Variants in AANAT observed in about 807,000 individuals in gnomAD.
AANAT encodes the protein aralkylamine N-acetyltransferase.
In AANAT, 11 loss-of-function variants were observed where a neutral mutation model predicts 15.6. The observed-to-expected ratio is 0.71, with a 90% CI of 0.44 to 1.17. AANAT has a LOEUF of 1.17. Ranked by LOEUF, AANAT falls within the 50% of genes most tolerant of loss-of-function variation. The pLI, the probability that AANAT is intolerant of heterozygous loss-of-function variation, is 0.00. For missense variants in AANAT, 286 were observed against 296.3 expected, an observed-to-expected ratio of 0.97 and a Z score of 0.26; for synonymous variants, 139 against 131.5, an observed-to-expected ratio of 1.06 and a Z score of -0.39.
At chr17:76,458,357 T>C (rs1039963708) in intron 1 of AANAT, among the ~76,000 whole-genome samples, 3 of 152,144 alleles carry the variant, frequency 2.0e-5, no homozygotes, top group African/African-American at 7.2e-5. Flanking sequence ...ACGGTCTCCA[T>C]ACACTCAGGC....
intron 2 of AANAT, chr17:76,462,193 G>C (rs1809613535): frequency 6.6e-6 from 1 of 152,256 alleles, no homozygotes; most frequent in Non-Finnish European, 1.5e-5. Flanking sequence ...GGAGCTGCAG[G>C]TCCCAGCCAG....
chr17:76,458,896 C>T (rs1403664975), intron 1 of AANAT, among the ~76,000 whole-genome samples: 3 of 152,228 alleles, frequency 2.0e-5, no homozygotes, highest in Non-Finnish European at 4.4e-5. Context: ...GGTGAGCTGC[C>T]TTGGGAAACC....
At chr17:76,454,486 AAAAAATAAATAAAT>A (rs1325904481) in intron 1 of AANAT, among the ~76,000 whole-genome samples, 1 of 151,892 alleles carries the variant, frequency 6.6e-6, no homozygotes, top group Non-Finnish European at 1.5e-5. Flanking sequence ...CTCTGTCTCA[AAAAAATAAATAAAT>A]AAAAATAAAT....
intron 1 of AANAT, among the ~76,000 whole-genome samples, chr17:76,454,399 C>G (rs924629573): frequency 6.7e-6 from 1 of 149,568 alleles, no homozygotes; most frequent in African/African-American, 2.5e-5. Context: ...GCAGGCAAAT[C>G]GCTTGAACCT....
At chr17:76,464,927 C>A (rs947742017), upstream of AANAT, among the ~76,000 whole-genome samples, 4 of 152,050 alleles carry the variant, frequency 2.6e-5, no homozygotes, top group East Asian at 7.7e-4. Context: ...TCCCAAGTGG[C>A]TGGGATTACA....
At position 76,469,715 on chromosome 17, in the gene AANAT, G is replaced by A; in HGVS notation, c.369G>A (p.Val123=). Residue 123 remains valine, a synonymous_variant, in exon 4 of 4, where the codon GTG becomes GTA. Transcript: ENST00000392492. The surrounding 1 kb of genome is among the most constrained non-coding windows in gnomAD (Gnocchi z 5.2). The part of the protein sequence containing the change: ...RSGGHIAHLH[V]LAVHRAFRQQ... ...GGGGCCACATAGCCCACCTGCATGT[G>A]CTGGCCGTGCACCGCGCCTTCCGGC... 1 of 1,538,564 alleles carries A rather than the reference G, an allele frequency of 6.5e-7. No individual in the cohort carries two copies.
chr17:76,469,202 C>G lies in AANAT; in HGVS notation c.193C>G (p.Leu65Val), dbSNP rs781298498. 8.1e-6 allele frequency: 13 copies of G among 1,614,174 alleles called. No individual in the cohort carries two copies. In the East Asian group the frequency reaches 2.9e-4, roughly 36 times the overall value. The stretch of plus-strand genomic sequence containing the variant: ...CATCTCCGTCTTGGGCGTCTGCCCC[C>G]TGTACCTGGATGAGATCCGGCACTT... ...AFISVLGVCP[L>V]YLDEIRHFLT... Residue 65 changes from leucine (L) to valine (V), a missense_variant, in exon 3 of 4, where the codon CTG becomes GTG. By Grantham distance (32) the Leu-to-Val change is conservative. Coordinates refer to ENST00000392492, the MANE Select transcript of AANAT (RefSeq NM_001088.3). This position sits in a 1 kb window ranked among gnomAD's most constrained non-coding sequence, Gnocchi z 5.2.
intron 2 of AANAT, among the ~76,000 whole-genome samples, chr17:76,460,129 A>ATTTTT (rs1567863927): frequency 4.8e-5 from 4 of 82,886 alleles, no homozygotes; most frequent in Non-Finnish European, 4.6e-5. Context: ...TACTTCAGGA[A>ATTTTT]ATTTTTTTTT....
Position 76,469,722 on chromosome 17 carries a change from G to A in AANAT, c.376G>A (p.Val126Met), listed in dbSNP as rs72466447. 134 of 1,547,984 alleles carry A rather than the reference G, an allele frequency of 8.7e-5. No homozygotes were observed. Among genetic ancestry groups the A allele is most frequent in the South Asian group, 1.7e-4 (14 of 81,954 alleles). Residue 126 changes from valine (V) to methionine (M), a missense_variant, in exon 4 of 4, where the codon GTG becomes ATG. By Grantham distance (21) the Val-to-Met change is conservative. Transcript: ENST00000392492. The surrounding 1 kb of genome is among the most constrained non-coding windows in gnomAD (Gnocchi z 5.2). ...GHIAHLHVLA[V>M]HRAFRQQGRG... is the part of the protein sequence containing the mutation. Reference sequence around the variant, plus strand: ...CATAGCCCACCTGCATGTGCTGGCCGTGCACCGCGCCTTCCGGCAGCAGGG... The same window carrying A: ...CATAGCCCACCTGCATGTGCTGGCCATGCACCGCGCCTTCCGGCAGCAGGG...
At position 76,470,016 on chromosome 17, in the gene AANAT, T is replaced by C; in HGVS notation, c.*46T>C. ...GCCAACATGATCCCCGTCTCTGCCC[T>C]GGGCTCCTCTTAGCTCAGCTGAGCA... On this transcript the variant is annotated 3_prime_UTR_variant, in exon 4 of 4. Coordinates refer to ENST00000392492, the MANE Select transcript of AANAT (RefSeq NM_001088.3). 7.0e-7 allele frequency: 1 copy of C among 1,437,660 alleles called. No individual in the cohort carries two copies. Among genetic ancestry groups the C allele is most frequent in the Non-Finnish European group, 9.2e-7 (1 of 1,089,838 alleles). The allele number at this position is 1,437,660 out of a possible 1,614,324, so 89.1% of individuals were successfully genotyped here.
upstream of AANAT, among the ~76,000 whole-genome samples, chr17:76,464,814 G>T (rs2073421929): frequency 2.0e-5 from 3 of 147,712 alleles, no homozygotes; most frequent in Non-Finnish European, 3.0e-5. Context: ...TTTTTTTTGA[G>T]ATAGCAGTTT....
chr17:76,463,104 C>T (rs923156243), upstream of AANAT, among the ~76,000 whole-genome samples: 4 of 152,176 alleles, frequency 2.6e-5, no homozygotes, highest in African/African-American at 4.8e-5. Context: ...CTGCACCAGG[C>T]TCTCCGGGGG....
chr17:76,461,365 G>A (rs1245946169), intron 2 of AANAT, among the ~76,000 whole-genome samples: 1 of 151,540 alleles, frequency 6.6e-6, no homozygotes, highest in Non-Finnish European at 1.5e-5. Context: ...ACTGCCCTTG[G>A]CTAAAAGAAG....
In AANAT at chr17:76,467,639, C is replaced by T. The variant is rs761974205; in HGVS notation, c.-164C>T. The T allele has an allele frequency of 2.9e-5, 29 of 985,430 alleles. No homozygotes were observed. Among genetic ancestry groups the T allele is most frequent in the Non-Finnish European group, 2.9e-5 (24 of 830,022 alleles). 61.0% of individuals were successfully genotyped at this position (985,430 alleles called of 1,614,324 possible). On this transcript the variant is annotated 5_prime_UTR_variant, in exon 1 of 4. Coordinates refer to ENST00000392492, the MANE Select transcript of AANAT (RefSeq NM_001088.3). ...ACTACAGCCTTGCAGCCCGGAGTCC[C>T]GGATTTTACTGGTTCCCGTGCCTGC... is the stretch of plus-strand genomic sequence containing the variant.
At chr17:76,457,367 A>G (rs2073351508) in intron 1 of AANAT, among the ~76,000 whole-genome samples, 4 of 152,162 alleles carry the variant, frequency 2.6e-5, no homozygotes, top group African/African-American at 9.7e-5. Context: ...TTGTCAAAAA[A>G]TCAAGTGAGT....
upstream of AANAT, among the ~76,000 whole-genome samples, chr17:76,464,717 C>A (rs1022276566): frequency 3.3e-5 from 5 of 151,090 alleles, no homozygotes; most frequent in Admixed American, 3.3e-4. Context: ...CTGTGGTTTA[C>A]AGTCATCCAG....
intron 2 of AANAT, among the ~76,000 whole-genome samples, chr17:76,459,790 T>A (rs1052173919): frequency 2.0e-5 from 3 of 152,252 alleles, no homozygotes; most frequent in African/African-American, 7.2e-5. Context: ...ACTGACCAAC[T>A]GAATATAACG....
chr17:76,468,126 C>G (rs760098423), intron 1 of AANAT, among the ~76,000 whole-genome samples: 1 of 152,120 alleles, frequency 6.6e-6, no homozygotes, highest in Non-Finnish European at 1.5e-5. Context: ...TTAAGGGGCT[C>G]TCTAGGACCA....
intron 1 of AANAT, 80 bp from the exon 2 acceptor site, chr17:76,468,592 A>G: frequency 7.7e-7 from 1 of 1,296,880 alleles, no homozygotes; most frequent in Non-Finnish European, 1.0e-6. Flanking sequence ...TCCTGCTACA[A>G]AAGAGGCCAG....
Sources: gnomAD v4.1 joint callset for allele counts (sites outside exome capture counted in the v4.1 genomes callset) on GRCh38, gnomAD v4.1.1 for gene constraint, Gnocchi (gnomAD v3.1) non-coding constraint, MANE v1.5 for transcripts, NCBI Gene and HGNC (gene_info 2026-07-23, HGNC 2026-07-21) for gene names.